CTNND2: variants seen among roughly 807,000 people sequenced by gnomAD.
CTNND2 encodes catenin delta 2.
CTNND2 carries 22 observed loss-of-function variants against 144.4 expected under a neutral mutation model. The ratio of observed to expected loss-of-function variants is 0.15; its 90% CI spans 0.11 to 0.22. CTNND2 has a LOEUF of 0.22. Ranked by LOEUF, CTNND2 falls within the 10% of genes least tolerant of loss-of-function variation. The pLI is 1.00. For synonymous variants in CTNND2, 751 were observed against 695.6 expected (o/e 1.08, Z -1.25); for missense variants, 1,353 against 1,618.8 (o/e 0.84, Z 2.82).
At chr5:11,227,543 A>G (rs1023433483) in intron 10 of CTNND2, among the ~76,000 whole-genome samples, 25 of 152,254 alleles carry the variant, frequency 1.6e-4, no homozygotes, top group African/African-American at 5.5e-4. Context: ...TTGACTGAAA[A>G]GATGAATAGC....
intron 2 of CTNND2, among the ~76,000 whole-genome samples, chr5:11,654,962 A>G (rs907299458): frequency 6.6e-6 from 1 of 152,042 alleles, no homozygotes. Flanking sequence ...TCATGAAAAG[A>G]TGTTTCATGG....
intron 6 of CTNND2, among the ~76,000 whole-genome samples, chr5:11,387,333 G>C (rs900797020): frequency 2.0e-5 from 3 of 152,072 alleles, no homozygotes; most frequent in African/African-American, 7.2e-5. Context: ...TGAGGGATCT[G>C]GGTTTTAACC....
chr5:11,118,050 G>A (rs542248242), intron 12 of CTNND2, among the ~76,000 whole-genome samples: 2 of 152,366 alleles, frequency 1.3e-5, no homozygotes, highest in East Asian at 1.9e-4. Flanking sequence ...TAAGGACATA[G>A]TTAGAGGTTT....
intron 1 of CTNND2, among the ~76,000 whole-genome samples, chr5:11,803,768 A>G (rs1019988141): frequency 1.3e-5 from 2 of 152,238 alleles, no homozygotes; most frequent in East Asian, 3.9e-4. Context: ...ATTGAATTTT[A>G]TATCACTCGT....
Position 11,522,591 on chromosome 5 carries a change from C to T in CTNND2, c.287+42353G>A, listed in dbSNP as rs188024695. Among the ~76,000 whole-genome samples the T allele has an allele frequency of 8.5e-4, 130 of 152,308 alleles. 1 individual carries two copies. The Middle Eastern group carries it at 0.01, about 12-fold the overall frequency. ...TCACAATGATGATTTGCTATACCCA[C>T]GCAACTCCTTCTCCATGCGAATGAG... On this transcript the variant is annotated intron_variant, in intron 3 of 21. Coordinates refer to ENST00000304623, the MANE Select transcript of CTNND2 (RefSeq NM_001332.4).
At chr5:11,528,688 C>T (rs545142608) in intron 3 of CTNND2, among the ~76,000 whole-genome samples, 29 of 152,280 alleles carry the variant, frequency 1.9e-4, no homozygotes, top group African/African-American at 6.5e-4. Flanking sequence ...GAGTATATGG[C>T]CTTGGGGAGT....
intron 1 of CTNND2, among the ~76,000 whole-genome samples, chr5:11,747,141 C>T (rs1005313492): frequency 6.6e-6 from 1 of 152,122 alleles, no homozygotes; most frequent in Non-Finnish European, 1.5e-5. Flanking sequence ...CTTGCATCAA[C>T]AACCATCCTA....
At chr5:11,688,557 T>G (rs181486649) in intron 2 of CTNND2, among the ~76,000 whole-genome samples, 1 of 152,322 alleles carries the variant, frequency 6.6e-6, no homozygotes, top group East Asian at 1.9e-4. Flanking sequence ...TTTTACAATT[T>G]TGAAAAATTC....
chr5:11,201,059 C>T (rs1041335864), intron 10 of CTNND2, among the ~76,000 whole-genome samples: 1 of 152,146 alleles, frequency 6.6e-6, no homozygotes. Flanking sequence ...GCACTTAGAA[C>T]CACACCCTCA....
Position 11,384,694 on chromosome 5 carries a change from G to A in CTNND2, c.1148C>T (p.Ala383Val). 3 of 1,607,738 alleles carry A rather than the reference G, an allele frequency of 1.9e-6. No homozygotes were observed. ...CAGGCTGCCCGGCCTCTGGAGGGTG[G>A]CCGTGGCATACAGCTCCTGCGAGTG... Reference protein sequence around the residue: ...SKHSQELYATATLQRPGSLAA... With the variant: ...SKHSQELYATVTLQRPGSLAA... The change falls in exon 7 of 22, where the codon GCC (alanine) becomes GTC (valine). Residue 383 changes from alanine to valine, a missense_variant. This residue lies in a region of CTNND2 where 708 missense variants were observed against 706.4 expected (regional missense o/e 1.00). Coordinates refer to ENST00000304623, the MANE Select transcript of CTNND2 (RefSeq NM_001332.4). This position sits in a 1 kb window ranked among gnomAD's most constrained non-coding sequence, Gnocchi z 5.2.
intron 11 of CTNND2, among the ~76,000 whole-genome samples, chr5:11,179,400 G>A (rs531463052): frequency 1.1e-3 from 162 of 152,184 alleles, no homozygotes; most frequent in Non-Finnish European, 1.7e-3. Context: ...GGTTATCACA[G>A]AAAATATGAA....
chr5:11,810,626 T>C (rs1792278156), intron 1 of CTNND2, among the ~76,000 whole-genome samples: 1 of 152,202 alleles, frequency 6.6e-6, no homozygotes, highest in South Asian at 2.1e-4. Context: ...AAAATCATTA[T>C]CTTGAAAAAC....
intron 5 of CTNND2, among the ~76,000 whole-genome samples, chr5:11,397,543 T>A (rs1226732925): frequency 2.0e-5 from 3 of 152,184 alleles, no homozygotes; most frequent in Non-Finnish European, 4.4e-5. Context: ...TTTGAAATAA[T>A]GTAAAACTCT....
chr5:11,273,883 G>A (rs566707061), intron 9 of CTNND2, among the ~76,000 whole-genome samples: 1 of 152,276 alleles, frequency 6.6e-6, no homozygotes, highest in East Asian at 1.9e-4. Context: ...CTAAAAAGAT[G>A]TTTTGCTCTT....
At chr5:11,025,019 C>T (rs1294991233) in intron 16 of CTNND2, among the ~76,000 whole-genome samples, 1 of 152,048 alleles carries the variant, frequency 6.6e-6, no homozygotes, top group Admixed American at 6.6e-5. Context: ...TTTAACTTAC[C>T]CCAACTTTAC....
intron 9 of CTNND2, among the ~76,000 whole-genome samples, chr5:11,305,560 C>T (rs542305452): frequency 6.6e-5 from 10 of 152,304 alleles, no homozygotes; most frequent in African/African-American, 2.4e-4. Context: ...ACTCACAGCA[C>T]CCTCCCTCTC....
chr5:11,673,245 C>T (rs1237802581), intron 2 of CTNND2, among the ~76,000 whole-genome samples: 2 of 152,218 alleles, frequency 1.3e-5, no homozygotes, highest in East Asian at 3.9e-4. Flanking sequence ...TTTTCCCACC[C>T]AAGCAGGGAG....
intron 3 of CTNND2, among the ~76,000 whole-genome samples, chr5:11,458,111 G>T (rs896585862): frequency 6.6e-6 from 1 of 152,160 alleles, no homozygotes; most frequent in African/African-American, 2.4e-5. Context: ...TTTAGGTACT[G>T]CCTAAGAAAT....
chr5:11,019,986 A>G (rs1455810187), intron 17 of CTNND2, among the ~76,000 whole-genome samples: 1 of 152,238 alleles, frequency 6.6e-6, no homozygotes, highest in Admixed American at 6.5e-5. Context: ...TAAGACTACT[A>G]TAAGAGTTAA....
Sources: allele counts gnomAD v4.1 joint callset (sites outside exome capture counted in the v4.1 genomes callset), GRCh38; gene constraint gnomAD v4.1.1; regional missense constraint gnomAD v4.1.1; non-coding constraint Gnocchi (gnomAD v3.1); transcripts MANE v1.5; gene names NCBI Gene and HGNC (gene_info 2026-07-23, HGNC 2026-07-21).